The following GRIN2A variants were observed in gnomAD, a reference collection of about 807,000 sequenced individuals.
GRIN2A encodes glutamate ionotropic receptor NMDA type subunit 2A.
A neutral mutation model predicts 113.4 loss-of-function variants in GRIN2A; 22 were observed. That is an observed-to-expected ratio of 0.19 (90% CI 0.14 to 0.28). The LOEUF (loss-of-function observed/expected upper bound fraction) is 0.28. Ranked by LOEUF, GRIN2A falls within the 10% of genes least tolerant of loss-of-function variation. The pLI, the probability that GRIN2A is intolerant of heterozygous loss-of-function variation, is 1.00. For synonymous variants in GRIN2A, 827 were observed against 738.4 expected (o/e 1.12, Z -1.94); for missense variants, 1,502 against 1,887.0 (o/e 0.80, Z 3.78).
At chr16:10,024,242 G>C (rs2046778549) in intron 2 of GRIN2A, among the ~76,000 whole-genome samples, 2 of 150,806 alleles carry the variant, frequency 1.3e-5, no homozygotes, top group Non-Finnish European at 3.0e-5. Flanking sequence ...TTGTTTGTTT[G>C]AGACGGAGCC....
intron 10 of GRIN2A, among the ~76,000 whole-genome samples, chr16:9,813,809 G>T (rs899321568): frequency 6.6e-6 from 1 of 152,130 alleles, no homozygotes; most frequent in Admixed American, 6.5e-5. Context: ...GTGTGGGGGT[G>T]GATCTCAGAA....
At chr16:9,833,962 C>T (rs1273697016) in intron 8 of GRIN2A, 143 bp downstream of exon 8, 4 of 803,262 alleles carry the variant, frequency 5.0e-6, no homozygotes, top group Middle Eastern at 3.4e-4. Context: ...CATGATCCAC[C>T]CACCTCGGTC....
chr16:10,176,658 T>A (rs987355863), intron 2 of GRIN2A, among the ~76,000 whole-genome samples: 2 of 131,066 alleles, frequency 1.5e-5, no homozygotes, highest in Middle Eastern at 0.01. Flanking sequence ...ATGAGAACAC[T>A]TGGACACAGG....
intron 2 of GRIN2A, among the ~76,000 whole-genome samples, chr16:9,954,085 T>G (rs1009515415): frequency 2.6e-5 from 4 of 152,190 alleles, no homozygotes; most frequent in Admixed American, 1.3e-4. Flanking sequence ...AGTCAATCCT[T>G]CTGTCCTAGA....
chr16:9,820,171 A>C (rs915551994), intron 10 of GRIN2A, among the ~76,000 whole-genome samples: 2 of 152,172 alleles, frequency 1.3e-5, no homozygotes, highest in African/African-American at 4.8e-5. Flanking sequence ...AAAGATTGAA[A>C]AAGAAAGAAA....
chr16:10,167,297 A>G (rs965299457), intron 2 of GRIN2A, among the ~76,000 whole-genome samples: 2 of 152,164 alleles, frequency 1.3e-5, no homozygotes, highest in Admixed American at 6.5e-5. Context: ...ACTCCCCCCA[A>G]AATCACCCCA....
chr16:9,957,330 A>G (rs1160143644), intron 2 of GRIN2A, among the ~76,000 whole-genome samples: 1 of 152,180 alleles, frequency 6.6e-6, no homozygotes, highest in Non-Finnish European at 1.5e-5. Context: ...ATTGAGCTCC[A>G]AACACAGGGC....
chr16:10,160,553 C>T (rs1467426061), intron 2 of GRIN2A, among the ~76,000 whole-genome samples: 1 of 152,214 alleles, frequency 6.6e-6, no homozygotes, highest in African/African-American at 2.4e-5. Flanking sequence ...TCTCTCATGT[C>T]ATCTCTGCAT....
At chr16:10,035,772 G>A (rs534444363) in intron 2 of GRIN2A, among the ~76,000 whole-genome samples, 56 of 150,600 alleles carry the variant, frequency 3.7e-4, no homozygotes, top group Non-Finnish European at 7.2e-4. Context: ...CACCCAGGCT[G>A]GAGTGCAGTG....
chr16:9,915,547 C>A (rs2044232491), intron 3 of GRIN2A, among the ~76,000 whole-genome samples: 1 of 152,190 alleles, frequency 6.6e-6, no homozygotes, highest in Non-Finnish European at 1.5e-5. Flanking sequence ...GTAATGGAAT[C>A]CTGCTCCTAA....
chr16:10,074,811 G>A (rs1318226348), intron 2 of GRIN2A, among the ~76,000 whole-genome samples: 2 of 152,152 alleles, frequency 1.3e-5, no homozygotes, highest in Non-Finnish European at 2.9e-5. Flanking sequence ...GAGTGGTGAT[G>A]GTTGCACAAT....
At chr16:9,856,320 A>G (rs551864303) in intron 4 of GRIN2A, among the ~76,000 whole-genome samples, 1 of 152,274 alleles carries the variant, frequency 6.6e-6, no homozygotes, top group East Asian at 1.9e-4. Context: ...AGGTTACAAC[A>G]AGGCCACAGA....
chr16:10,134,018 G>A (rs1070477), intron 2 of GRIN2A, among the ~76,000 whole-genome samples: 144,000 of 151,780 alleles, frequency 0.95, 68,650 homozygotes, highest in East Asian at 1. Flanking sequence ...CCCCACCTCT[G>A]AAAAAGAAAA....
intron 2 of GRIN2A, among the ~76,000 whole-genome samples, chr16:10,174,943 C>A (rs1465603540): frequency 6.6e-6 from 1 of 151,890 alleles, no homozygotes; most frequent in Non-Finnish European, 1.5e-5. Flanking sequence ...AACAATGGAC[C>A]ACAAGTACAC....
chr16:9,806,204 C>T (rs1333160760), intron 10 of GRIN2A, among the ~76,000 whole-genome samples: 3 of 152,158 alleles, frequency 2.0e-5, no homozygotes, highest in Non-Finnish European at 2.9e-5. Context: ...CTTCATTGAT[C>T]AGGATTTGGA....
intron 3 of GRIN2A, among the ~76,000 whole-genome samples, chr16:9,919,656 G>A (rs1453619396): frequency 2.0e-5 from 3 of 152,168 alleles, no homozygotes; most frequent in Admixed American, 2.0e-4. Flanking sequence ...CAAGCTCAGA[G>A]GTCACTGCAG....
At chr16:9,838,534 A>G (rs1243607211) in intron 7 of GRIN2A, among the ~76,000 whole-genome samples, 1 of 152,204 alleles carries the variant, frequency 6.6e-6, no homozygotes, top group African/African-American at 2.4e-5. Context: ...TTCTAAATAT[A>G]TGATAGTCAT....
At chr16:10,028,840 G>A (rs569534542) in intron 2 of GRIN2A, among the ~76,000 whole-genome samples, 2 of 152,310 alleles carry the variant, frequency 1.3e-5, no homozygotes, top group African/African-American at 4.8e-5. Flanking sequence ...AATGGGTGTG[G>A]CTGTGTTCCA....
intron 2 of GRIN2A, among the ~76,000 whole-genome samples, chr16:9,984,793 C>T (rs1455600962): frequency 6.6e-6 from 1 of 152,176 alleles, no homozygotes; most frequent in African/African-American, 2.4e-5. Flanking sequence ...TTCATGGGGG[C>T]ATCCTGTCTC....
Sources: allele counts gnomAD v4.1 joint callset (sites outside exome capture counted in the v4.1 genomes callset), GRCh38; gene constraint gnomAD v4.1.1; transcripts MANE v1.5; gene names NCBI Gene and HGNC (gene_info 2026-07-23, HGNC 2026-07-21).